The following IL23R variants were observed in gnomAD, a reference collection of about 807,000 sequenced individuals.
The protein encoded by IL23R is interleukin-23 receptor.
Under a neutral mutation model 56.9 loss-of-function variants are expected in IL23R, and 34 were observed. The ratio of observed to expected loss-of-function variants is 0.60; its 90% CI spans 0.45 to 0.80. IL23R has a LOEUF of 0.80. Among genes scored for constraint, IL23R ranks in the 30% least tolerant of loss-of-function variants. The pLI is 0.00. For missense variants in IL23R, 635 were observed against 730.0 expected, an observed-to-expected ratio of 0.87 and a Z score of 1.50; for synonymous variants, 230 against 249.2, an observed-to-expected ratio of 0.92 and a Z score of 0.73.
intron 1 of IL23R, among the ~76,000 whole-genome samples, chr1:67,156,935 G>A (rs1405506215): frequency 5.3e-5 from 8 of 152,184 alleles, no homozygotes; most frequent in Non-Finnish European, 1.2e-4. Context: ...GGCCCTGATA[G>A]TGTAGGCTCA....
intron 5 of IL23R, among the ~76,000 whole-genome samples, chr1:67,206,401 C>T (rs191754548): frequency 2.0e-5 from 3 of 152,132 alleles, no homozygotes; most frequent in Admixed American, 1.3e-4. Flanking sequence ...ACCTTGAACT[C>T]CTGGGCTCAA....
chr1:67,208,273 T>TGG (rs201489234), intron 6 of IL23R, among the ~76,000 whole-genome samples: 2 of 152,142 alleles, frequency 1.3e-5, no homozygotes, highest in African/African-American at 4.8e-5. Flanking sequence ...AAACCCATTC[T>TGG]GGGGGGGAGA....
chr1:67,189,145 A>C (rs1361067371), intron 4 of IL23R, among the ~76,000 whole-genome samples: 1 of 152,066 alleles, frequency 6.6e-6, no homozygotes, highest in Admixed American at 6.6e-5. Flanking sequence ...TTTGTATGTC[A>C]ATAGTACATT....
At chr1:67,235,400 T>C (rs1370872088) in intron 7 of IL23R, among the ~76,000 whole-genome samples, 1 of 140,436 alleles carries the variant, frequency 7.1e-6, no homozygotes, top group East Asian at 1.9e-4. Context: ...TTTTTTCTTT[T>C]TTTTTTTTTG....
At position 67,258,991 on chromosome 1, in the gene IL23R, C is replaced by G; in HGVS notation, c.1753C>G (p.Pro585Ala). The change falls in exon 11 of 11, where the codon CCA becomes GCA. Residue 585 changes from proline (P) to alanine (A), a missense_variant. Pro to Ala is a conservative substitution (Grantham distance 27). Coordinates refer to ENST00000347310, the MANE Select transcript of IL23R (RefSeq NM_144701.3). ...AAATGATTCACCCAGTGAAACTATT[C>G]CAGAACAGACCCTGCTTCCTGATGA... ...LENDSPSETI[P>A]EQTLLPDEFV... 1 of 1,614,024 alleles carries G rather than the reference C, an allele frequency of 6.2e-7. No homozygotes were observed. Among genetic ancestry groups the G allele is most frequent in the Non-Finnish European group, 8.5e-7 (1 of 1,179,966 alleles).
intron 1 of IL23R, among the ~76,000 whole-genome samples, chr1:67,157,104 G>C (rs190051587): frequency 6.6e-6 from 1 of 152,208 alleles, no homozygotes; most frequent in Admixed American, 6.5e-5. Flanking sequence ...CCCTGCTTCT[G>C]CTCTCTCTCC....
At position 67,200,772 on chromosome 1, in the gene IL23R, C is replaced by T; in HGVS notation, c.527C>T (p.Ser176Leu). 1 of 1,613,844 alleles carries T rather than the reference C, an allele frequency of 6.2e-7. No homozygotes were observed. ...ETEEEQQYLT[S>L]SYINISTDSL... ...GAAGAAGAGCAACAGTATCTCACCT[C>T]AAGCTATATTAACATCTCCACTGAT... Residue 176 changes from serine (S) to leucine (L), a missense_variant, in exon 5 of 11, where the codon TCA (serine) becomes TTA (leucine). By Grantham distance (145) the Ser-to-Leu change is moderately radical. Coordinates refer to ENST00000347310, the MANE Select transcript of IL23R (RefSeq NM_144701.3).
chr1:67,171,905 C>G (rs1646949059), intron 3 of IL23R, among the ~76,000 whole-genome samples: 1 of 152,178 alleles, frequency 6.6e-6, no homozygotes, highest in Non-Finnish European at 1.5e-5. Flanking sequence ...AACCCAACAC[C>G]AGGCAATGTA....
chr1:67,167,036 A>G (rs1170853295), intron 1 of IL23R, among the ~76,000 whole-genome samples: 2 of 152,208 alleles, frequency 1.3e-5, no homozygotes, highest in African/African-American at 4.8e-5. Context: ...TAAACTAACA[A>G]CGGTATTATT....
intron 5 of IL23R, among the ~76,000 whole-genome samples, chr1:67,206,096 T>A (rs989966892): frequency 2.0e-5 from 3 of 151,810 alleles, no homozygotes; most frequent in Non-Finnish European, 4.4e-5. Context: ...CACTGTAACC[T>A]CTGCCTCCCG....
At chr1:67,185,459 T>A (rs1647274064) in intron 4 of IL23R, among the ~76,000 whole-genome samples, 1 of 152,170 alleles carries the variant, frequency 6.6e-6, no homozygotes, top group Non-Finnish European at 1.5e-5. Flanking sequence ...TTTGTTTTTG[T>A]TTTTGAGCCA....
intron 7 of IL23R, among the ~76,000 whole-genome samples, chr1:67,228,136 CTTTCTGT>C (rs1650842309): frequency 7.9e-6 from 1 of 127,356 alleles, no homozygotes; most frequent in African/African-American, 2.9e-5. Context: ...TTCCTTCTTT[CTTTCTGT>C]CTTTCTTTTT....
intron 10 of IL23R, among the ~76,000 whole-genome samples, chr1:67,257,240 G>C (rs1359506823): frequency 6.6e-6 from 1 of 152,080 alleles, no homozygotes; most frequent in African/African-American, 2.4e-5. Flanking sequence ...AGTCGGCTTG[G>C]GTGGCTTAAA....
At chr1:67,205,685 A>T (rs79148417) in intron 5 of IL23R, among the ~76,000 whole-genome samples, 3,257 of 152,358 alleles carry the variant, frequency 0.021, 41 homozygotes, top group South Asian at 0.039. Flanking sequence ...ATTATAGAAC[A>T]TGCCAACAAT....
intron 9 of IL23R, among the ~76,000 whole-genome samples, chr1:67,240,787 C>T (rs1165575854): frequency 2.6e-5 from 4 of 152,160 alleles, no homozygotes; most frequent in African/African-American, 9.7e-5. Flanking sequence ...CCCAGAATTA[C>T]AGCAGATTCA....
intron 3 of IL23R, among the ~76,000 whole-genome samples, chr1:67,177,480 G>A (rs1049628529): frequency 6.6e-6 from 1 of 151,856 alleles, no homozygotes; most frequent in Non-Finnish European, 1.5e-5. Flanking sequence ...TTTTTTTCTT[G>A]TAAATTTGTT....
chr1:67,151,979 A>G lies in IL23R; in HGVS notation c.-634+12818A>G, dbSNP rs182503805. 5.1e-3 allele frequency among the ~76,000 whole-genome samples: 780 copies of G among 152,142 alleles called. 7 individuals carry two copies. The highest frequency in any genetic ancestry group is 0.018 in the African/African-American group (732 of 41,512). On this transcript the variant is annotated intron_variant, in intron 1 of 10. Transcript: ENST00000637002. ...TGGTTCCATATGAAATTTAAAGTAG[A>G]TTTTTCTAATTCTGCGAAGAATGTA...
chr1:67,159,828 A>C (rs1320863629), intron 1 of IL23R, among the ~76,000 whole-genome samples: 2 of 152,200 alleles, frequency 1.3e-5, no homozygotes, highest in African/African-American at 4.8e-5. Flanking sequence ...GATATGACTT[A>C]TTAGGATGAG....
intron 3 of IL23R, among the ~76,000 whole-genome samples, chr1:67,177,833 A>G (rs1031013504): frequency 5.3e-5 from 8 of 151,158 alleles, no homozygotes; most frequent in Non-Finnish European, 1.2e-4. Context: ...AGCCTTATGC[A>G]TATGGCTAGC....
Sources: gnomAD v4.1 joint callset for allele counts (sites outside exome capture counted in the v4.1 genomes callset) on GRCh38, gnomAD v4.1.1 for gene constraint, MANE v1.5 for transcripts, NCBI Gene and HGNC (gene_info 2026-07-23, HGNC 2026-07-21) for gene names.